The following SUSD6 variants were observed in gnomAD, a reference collection of about 807,000 sequenced individuals.
SUSD6 encodes the protein sushi domain containing 6, also known as sushi domain-containing protein 6.
SUSD6 carries 16 observed loss-of-function variants against 28.4 expected under a neutral mutation model. That is an observed-to-expected ratio of 0.56 (90% CI 0.38 to 0.86). The LOEUF is 0.86. Ranked by LOEUF, SUSD6 falls within the 40% of genes least tolerant of loss-of-function variation. The pLI is 0.00. For synonymous variants in SUSD6, 147 were observed against 159.6 expected, an observed-to-expected ratio of 0.92 and a Z score of 0.59; for missense variants, 341 against 384.2, an observed-to-expected ratio of 0.89 and a Z score of 0.94.
chr14:69,686,127 A>G (rs1886069271), intron 2 of SUSD6, among the ~76,000 whole-genome samples: 1 of 152,274 alleles, frequency 6.6e-6, no homozygotes, highest in Non-Finnish European at 1.5e-5. Flanking sequence ...TTTAAATTCA[A>G]TGAATGTGCC....
chr14:69,648,679 A>G (rs1885461469), intron 1 of SUSD6, among the ~76,000 whole-genome samples: 1 of 152,150 alleles, frequency 6.6e-6, no homozygotes, highest in African/African-American at 2.4e-5. Flanking sequence ...AGAGATGGTA[A>G]AAAGTAAACA....
At chr14:69,650,646 C>T (rs957311900) in intron 1 of SUSD6, among the ~76,000 whole-genome samples, 2 of 152,182 alleles carry the variant, frequency 1.3e-5, no homozygotes, top group Non-Finnish European at 2.9e-5. Flanking sequence ...CCTCCTCCCC[C>T]CTCTTTTTCT....
intron 1 of SUSD6, among the ~76,000 whole-genome samples, chr14:69,624,580 G>T (rs1004331497): frequency 6.6e-6 from 1 of 151,578 alleles, no homozygotes; most frequent in Non-Finnish European, 1.5e-5. Context: ...AGCCTCCCAA[G>T]TAGCTGGGCT....
chr14:69,689,089 A>AT, intron 2 of SUSD6, among the ~76,000 whole-genome samples: 1 of 152,110 alleles, frequency 6.6e-6, no homozygotes. Flanking sequence ...ACTCTCCTTT[A>AT]TCCCCGTCAT....
intron 1 of SUSD6, among the ~76,000 whole-genome samples, chr14:69,655,541 A>C (rs1236615593): frequency 6.6e-6 from 1 of 152,078 alleles, no homozygotes; most frequent in Non-Finnish European, 1.5e-5. Flanking sequence ...TCATCCCTCT[A>C]ATTTCAGCCC....
intron 1 of SUSD6, among the ~76,000 whole-genome samples, chr14:69,650,682 C>T (rs547723769): frequency 6.6e-6 from 1 of 152,138 alleles, no homozygotes; most frequent in East Asian, 1.9e-4. Flanking sequence ...TTCTCTCTTG[C>T]CTTCTCTCTT....
At chr14:69,629,583 C>T (rs1290268544) in intron 1 of SUSD6, among the ~76,000 whole-genome samples, 10 of 152,224 alleles carry the variant, frequency 6.6e-5, no homozygotes, top group Non-Finnish European at 1.5e-4. Context: ...TGACCTCTGG[C>T]TGCCACTCTC....
chr14:69,676,595 A>T (rs992768512), intron 2 of SUSD6, among the ~76,000 whole-genome samples: 5 of 152,102 alleles, frequency 3.3e-5, no homozygotes, highest in Admixed American at 6.5e-5. Flanking sequence ...ACATCTTAGT[A>T]TGTTGCCCAG....
chr14:69,684,321 A>T (rs958716851), intron 2 of SUSD6, among the ~76,000 whole-genome samples: 2 of 152,226 alleles, frequency 1.3e-5, no homozygotes, highest in African/African-American at 4.8e-5. Flanking sequence ...ATTTTAAATA[A>T]GAAATCTGAT....
intron 1 of SUSD6, among the ~76,000 whole-genome samples, chr14:69,624,280 T>C (rs1311931927): frequency 6.6e-6 from 1 of 152,254 alleles, no homozygotes; most frequent in Non-Finnish European, 1.5e-5. Flanking sequence ...TATAGTAGGC[T>C]ATGCCATTTA....
chr14:69,709,828 G>T (rs1404504917), intron 5 of SUSD6, among the ~76,000 whole-genome samples: 1 of 152,180 alleles, frequency 6.6e-6, no homozygotes, highest in Non-Finnish European at 1.5e-5. Flanking sequence ...TTTGAAAGCT[G>T]TCTTTAAGGT....
intron 4 of SUSD6, among the ~76,000 whole-genome samples, chr14:69,705,816 G>A (rs1482868553): frequency 3.9e-5 from 6 of 152,354 alleles, no homozygotes; most frequent in South Asian, 2.1e-4. Flanking sequence ...GTCTAGGGGC[G>A]AGGAGCATGA....
At chr14:69,701,694 G>C (rs1467086122) in intron 2 of SUSD6, among the ~76,000 whole-genome samples, 2 of 152,160 alleles carry the variant, frequency 1.3e-5, no homozygotes, top group Admixed American at 1.3e-4. Context: ...TGGGTCCTTA[G>C]AGGGGACTTG....
chr14:69,625,222 T>G (rs1885097573), intron 1 of SUSD6, among the ~76,000 whole-genome samples: 1 of 152,066 alleles, frequency 6.6e-6, no homozygotes, highest in Admixed American at 6.5e-5. Context: ...CCACGGGGGG[T>G]TTTGAGGATT....
chr14:69,711,117 G>C lies in SUSD6; in HGVS notation c.*138G>C. 1 of 802,496 alleles carries C rather than the reference G, an allele frequency of 1.2e-6. No homozygotes were observed. Among genetic ancestry groups the C allele is most frequent in the Non-Finnish European group, 2.1e-6 (1 of 478,240 alleles). 49.7% of individuals were successfully genotyped at this position (802,496 alleles called of 1,614,324 possible). ...CACCTGTGTATCTGTGTATCTCTGA[G>C]GGCCCTATAGGCCCACCTTGCTGGA... On this transcript the variant is annotated 3_prime_UTR_variant, in exon 6 of 6. Coordinates refer to ENST00000342745, the MANE Select transcript of SUSD6 (RefSeq NM_014734.4).
chr14:69,668,651 A>G (rs116488260), intron 2 of SUSD6, among the ~76,000 whole-genome samples: 119 of 151,510 alleles, frequency 7.9e-4, no homozygotes, highest in Middle Eastern at 6.9e-3. Flanking sequence ...AAAAAAAAGA[A>G]AAGGAAAAGA....
intron 1 of SUSD6, among the ~76,000 whole-genome samples, chr14:69,637,733 G>C (rs1201425779): frequency 6.6e-6 from 1 of 152,186 alleles, no homozygotes; most frequent in African/African-American, 2.4e-5. Flanking sequence ...GGAGGGGCAG[G>C]CAAGCACGTG....
At chr14:69,679,987 T>A (rs1440497818) in intron 2 of SUSD6, among the ~76,000 whole-genome samples, 1 of 152,194 alleles carries the variant, frequency 6.6e-6, no homozygotes, top group African/African-American at 2.4e-5. Context: ...TGAATATAAT[T>A]TTTTGGAAGG....
intron 2 of SUSD6, chr14:69,670,522 G>A (rs1320286784): frequency 4.4e-6 from 2 of 456,718 alleles, no homozygotes; most frequent in East Asian, 6.9e-5. Context: ...GTGAGTTAAC[G>A]AGTATGGGGA....
Sources: allele counts gnomAD v4.1 joint callset (sites outside exome capture counted in the v4.1 genomes callset), GRCh38; gene constraint gnomAD v4.1.1; transcripts MANE v1.5; gene names NCBI Gene and HGNC (gene_info 2026-07-23, HGNC 2026-07-21).